MNAT1: variants seen among roughly 807,000 people sequenced by gnomAD.
MNAT1 encodes CDK-activating kinase assembly factor MAT1.
In MNAT1, 43 loss-of-function variants were observed where a neutral mutation model predicts 42.0. The ratio of observed to expected loss-of-function variants is 1.02; its 90% CI spans 0.80 to 1.32. The LOEUF (loss-of-function observed/expected upper bound fraction) is 1.32, where lower values mean the gene tolerates loss of function less well. Ranked by LOEUF, MNAT1 falls within the 40% of genes most tolerant of loss-of-function variation. The pLI, the probability that MNAT1 is intolerant of heterozygous loss-of-function variation, is 0.00. For synonymous variants in MNAT1, 118 were observed against 120.0 expected (o/e 0.98, Z 0.11); for missense variants, 306 against 350.4 (o/e 0.87, Z 1.01).
intron 6 of MNAT1, among the ~76,000 whole-genome samples, chr14:60,837,140 T>G (rs2033414152): frequency 6.6e-6 from 1 of 152,206 alleles, no homozygotes; most frequent in Non-Finnish European, 1.5e-5. Flanking sequence ...CAAGCCAGTG[T>G]TTCTTAGCTT....
chr14:60,756,542 C>T (rs1469639881), intron 1 of MNAT1, among the ~76,000 whole-genome samples: 1 of 152,028 alleles, frequency 6.6e-6, no homozygotes, highest in Admixed American at 6.6e-5. Context: ...GGATTGCTTA[C>T]CATTTAACAG....
At chr14:60,767,478 G>A (rs893395045) in intron 1 of MNAT1, among the ~76,000 whole-genome samples, 1 of 152,262 alleles carries the variant, frequency 6.6e-6, no homozygotes, top group African/African-American at 2.4e-5. Context: ...GATACATAGA[G>A]GATGGCTGAA....
rs573837273 is a variant in MNAT1, at chr14:60,823,386, T to G, written c.687+4539T>G. Among the ~76,000 whole-genome samples the G allele has an allele frequency of 2.0e-5, 3 of 152,244 alleles. No homozygotes were observed. The South Asian group carries it at 6.2e-4, about 32-fold the overall frequency. On this transcript the variant is annotated intron_variant, in intron 6 of 7. Transcript: ENST00000261245. ...GCCTGAAGGGGTATCTTACCCTGAG[T>G]TTGTTTGTAATAATGTTTAACATTC... is the stretch of plus-strand genomic sequence containing the variant.
chr14:60,834,148 G>A (rs1051789151), intron 6 of MNAT1, among the ~76,000 whole-genome samples: 7 of 152,056 alleles, frequency 4.6e-5, no homozygotes, highest in African/African-American at 1.7e-4. Context: ...TTTTTTTGAA[G>A]TGTTTTTTGT....
chr14:60,789,834 T>G (rs1275102158), intron 1 of MNAT1, among the ~76,000 whole-genome samples: 2 of 152,208 alleles, frequency 1.3e-5, no homozygotes. Context: ...ATATGATGTG[T>G]TATTAACACA....
intron 7 of MNAT1, among the ~76,000 whole-genome samples, chr14:60,961,809 G>A (rs2139621613): frequency 6.6e-6 from 1 of 151,980 alleles, no homozygotes; most frequent in African/African-American, 2.4e-5. Context: ...CCTCACTCTT[G>A]GAGATAAATT....
intron 7 of MNAT1, among the ~76,000 whole-genome samples, chr14:60,884,748 G>A (rs2034624240): frequency 6.6e-6 from 1 of 151,798 alleles, no homozygotes; most frequent in Non-Finnish European, 1.5e-5. Context: ...TTACAGTGTG[G>A]GAATATTCTG....
intron 6 of MNAT1, among the ~76,000 whole-genome samples, chr14:60,861,093 A>T (rs1307945910): frequency 1.3e-5 from 2 of 152,110 alleles, no homozygotes; most frequent in Admixed American, 6.5e-5. Flanking sequence ...GATATTATCA[A>T]TTTTTATCTT....
chr14:60,877,467 A>G (rs1378133557), intron 6 of MNAT1, among the ~76,000 whole-genome samples: 2 of 152,074 alleles, frequency 1.3e-5, no homozygotes, highest in Non-Finnish European at 2.9e-5. Context: ...CATGACTTTT[A>G]CCTTTTTTAA....
chr14:60,803,450 T>C (rs2139338591), intron 3 of MNAT1, among the ~76,000 whole-genome samples: 1 of 152,298 alleles, frequency 6.6e-6, no homozygotes, highest in East Asian at 1.9e-4. Flanking sequence ...TTTATTCCTA[T>C]TTTGCATCTG....
In MNAT1 at chr14:60,955,702, C is replaced by A. The variant is rs142438472; in HGVS notation, c.810-12527C>A. Among the ~76,000 whole-genome samples the A allele has an allele frequency of 5.3e-3, 801 of 152,138 alleles. 4 individuals are homozygous for A. The highest frequency in any genetic ancestry group is 0.01 in the Middle Eastern group (3 of 294). ...ATAAAAGATTCAATCTCCTTACTTT[C>A]TATTGGTTTGTTTACAATTTTTATT... On this transcript the variant is annotated intron_variant, in intron 7 of 7. Transcript: ENST00000261245.
chr14:60,876,730 C>T (rs928448284), intron 6 of MNAT1, among the ~76,000 whole-genome samples: 1 of 151,988 alleles, frequency 6.6e-6, no homozygotes, highest in South Asian at 2.1e-4. Context: ...CAGGTCCATC[C>T]ATGTTGTCAT....
At chr14:60,787,894 G>C (rs1255540094) in intron 1 of MNAT1, among the ~76,000 whole-genome samples, 1 of 152,108 alleles carries the variant, frequency 6.6e-6, no homozygotes, top group Non-Finnish European at 1.5e-5. Flanking sequence ...ACTGAAGTCA[G>C]ACCCTGAAAG....
chr14:60,966,089 A>G (rs1029143354), intron 7 of MNAT1, among the ~76,000 whole-genome samples: 5 of 151,950 alleles, frequency 3.3e-5, no homozygotes, highest in Admixed American at 2.6e-4. Flanking sequence ...TTTCAATCCT[A>G]TGCGACCTAA....
chr14:60,746,051 G>T (rs1896604107), intron 1 of MNAT1, among the ~76,000 whole-genome samples: 2 of 152,102 alleles, frequency 1.3e-5, no homozygotes, highest in South Asian at 4.1e-4. Context: ...CCAGAGACAG[G>T]TTGAGGAGTA....
chr14:60,949,763 T>G (rs1477244371), intron 7 of MNAT1, among the ~76,000 whole-genome samples: 1 of 152,190 alleles, frequency 6.6e-6, no homozygotes, highest in Non-Finnish European at 1.5e-5. Flanking sequence ...ATTAGCACAT[T>G]ACTTCTGATA....
rs185256980 is a variant in MNAT1, at chr14:60,961,800, C to T, written c.810-6429C>T. On this transcript the variant is annotated intron_variant, in intron 7 of 7. Coordinates refer to ENST00000261245, the MANE Select transcript of MNAT1 (RefSeq NM_002431.4). ...ATCTAAATTTCTGCATTTTTGTCCC[C>T]TCACTCTTGGAGATAAATTACTCAT... Among the ~76,000 whole-genome samples the T allele has an allele frequency of 7.9e-5, 12 of 152,154 alleles. No individual in the cohort carries two copies. The East Asian group carries it at 2.3e-3, about 29-fold the overall frequency.
At chr14:60,906,304 TG>T (rs1353760770) in intron 7 of MNAT1, among the ~76,000 whole-genome samples, 1 of 152,132 alleles carries the variant, frequency 6.6e-6, no homozygotes, top group Non-Finnish European at 1.5e-5. Flanking sequence ...GGTCAAGACT[TG>T]GGTTTTTACT....
intron 1 of MNAT1, among the ~76,000 whole-genome samples, chr14:60,779,561 G>A (rs925834413): frequency 3.3e-5 from 5 of 152,166 alleles, no homozygotes; most frequent in African/African-American, 1.2e-4. Context: ...GGCCGAGCAG[G>A]AGGATCATGA....
Sources: allele counts gnomAD v4.1 joint callset (sites outside exome capture counted in the v4.1 genomes callset), GRCh38; gene constraint gnomAD v4.1.1; transcripts MANE v1.5; gene names NCBI Gene and HGNC (gene_info 2026-07-23, HGNC 2026-07-21).